TNK2: variants seen among roughly 807,000 people sequenced by gnomAD.
TNK2 encodes the protein tyrosine kinase non receptor 2, also known as activated CDC42 kinase 1.
Under a neutral mutation model 101.8 loss-of-function variants are expected in TNK2, and 83 were observed. The observed-to-expected ratio is 0.82, with a 90% CI of 0.68 to 0.98. The LOEUF is 0.98. Among genes scored for constraint, TNK2 ranks in the 50% least tolerant of loss-of-function variants. The pLI, the probability that TNK2 is intolerant of heterozygous loss-of-function variation, is 0.00. For synonymous variants in TNK2, 804 were observed against 633.0 expected, an observed-to-expected ratio of 1.27 and a Z score of -4.06; for missense variants, 1,665 against 1,483.2, an observed-to-expected ratio of 1.12 and a Z score of -2.01.
At position 195,867,880 on chromosome 3, in the gene TNK2, T is replaced by G; in HGVS notation, c.2418A>C (p.Thr806=). ...REPLSPQGSR[T]PSPLVPPGSS... is the part of the protein sequence containing the mutation. ...TGCCAGGTGGTACCAGGGGGCTGGG[T>G]GTCCTCGAGCCTTGAGGGGACAGGG... The change falls in exon 13 of 16, where the codon ACA becomes ACC. Residue 806 remains threonine, a synonymous_variant. Transcript: ENST00000672887. The G allele has an allele frequency of 6.5e-7, 1 of 1,527,650 alleles. No homozygotes were observed. Among genetic ancestry groups the G allele is most frequent in the Non-Finnish European group, 8.7e-7 (1 of 1,144,556 alleles). 94.6% of individuals were successfully genotyped at this position (1,527,650 alleles called of 1,614,324 possible).
At chr3:195,884,309 A>G (rs1236370278) in intron 4 of TNK2, 1 of 152,232 alleles carries the variant, frequency 6.6e-6, no homozygotes, top group Non-Finnish European at 1.5e-5. Context: ...CTTTTATAAT[A>G]AATTATTTTT....
rs1560520964 is a variant in TNK2 at position 195,884,800 on chromosome 3, CAG to C, written c.456+10_456+11del. Reference sequence around the variant, plus strand: ...ATGCCTCTGCTGCGCTGGCAGGACACAGAGAGCTCACCGTCTTCCCTGAGGGC... The same window carrying C: ...ATGCCTCTGCTGCGCTGGCAGGACACAGAGCTCACCGTCTTCCCTGAGGGC... On this transcript the variant is annotated intron_variant, in intron 4 of 15. Coordinates refer to ENST00000672887, the MANE Select transcript of TNK2 (RefSeq NM_001382273.1). The C allele has an allele frequency of 1.2e-6, 2 of 1,601,902 alleles. No individual in the cohort carries two copies. Among genetic ancestry groups the C allele is most frequent in the African/African-American group, 1.3e-5 (1 of 74,450 alleles).
In TNK2 at chr3:195,866,909, G is replaced by A; in HGVS notation, c.3141C>T (p.Ser1047=). 6.2e-7 allele frequency: 1 copy of A among 1,611,580 alleles called. No homozygotes were observed. The highest frequency in any genetic ancestry group is 8.5e-7 in the Non-Finnish European group (1 of 1,179,326). The change falls in exon 15 of 16, where the codon TCC becomes TCT. Residue 1047 remains serine (S), a synonymous_variant. Transcript: ENST00000672887. ...LEQAGCHLLG[S]WGPAHHKR ...CTCACTTGTGGTGGGCAGGGCCCCA[G>A]GAGCCCAGAAGGTGGCAGCCGGCCT...
In TNK2 at chr3:195,863,714, C is replaced by G. The variant is rs1738797932; in HGVS notation, c.*467G>C. On this transcript the variant is annotated 3_prime_UTR_variant, in exon 16 of 16. Transcript: ENST00000672887. ...ACACCCCAGCTGCTGCCAGGGGCCCCCTGGAAGAAGGCCCAGTCCTAGGAG... is the reference window on the plus strand; with the variant it reads ...ACACCCCAGCTGCTGCCAGGGGCCCGCTGGAAGAAGGCCCAGTCCTAGGAG... The G allele has an allele frequency of 6.1e-6, 1 of 162,746 alleles. No homozygotes were observed. The highest frequency in any genetic ancestry group is 2.4e-5 in the African/African-American group (1 of 41,884). The allele number at this position is 162,746 out of a possible 1,614,324, so 10.1% of individuals were successfully genotyped here.
chr3:195,875,790 A>G (rs1748825569), intron 9 of TNK2, among the ~76,000 whole-genome samples: 1 of 152,172 alleles, frequency 6.6e-6, no homozygotes, highest in Non-Finnish European at 1.5e-5. Flanking sequence ...ACACCTCCGC[A>G]TGAACCTTCT....
intron 1 of TNK2, among the ~76,000 whole-genome samples, chr3:195,907,838 C>T (rs978262624): frequency 2.0e-5 from 3 of 152,218 alleles, no homozygotes; most frequent in African/African-American, 4.8e-5. Context: ...CCTCCTCTCC[C>T]GCCCCTCTAA....
Position 195,872,351 on chromosome 3 carries a change from T to TGCAGGG in TNK2, c.1370_1375dup (p.Pro457_Leu458dup). 1 of 1,613,416 alleles carries TGCAGGG rather than the reference T, an allele frequency of 6.2e-7. No individual in the cohort carries two copies. Among genetic ancestry groups the TGCAGGG allele is most frequent in the South Asian group, 1.1e-5 (1 of 91,090 alleles). ...ATGCCCTGTGTGGATGAAGCTGTTC[T>TGCAGGG]GCAGGGGCTGGCTGATGTCCTGGGC... On this transcript the variant is annotated inframe_insertion, in exon 10 of 16. Transcript: ENST00000672887.
chr3:195,873,838 C>G (rs548013503), intron 9 of TNK2, among the ~76,000 whole-genome samples: 6 of 152,028 alleles, frequency 3.9e-5, no homozygotes, highest in African/African-American at 1.2e-4. Flanking sequence ...GGGCGCGGGG[C>G]GCGGGGAGAC....
chr3:195,885,191 C>T lies in TNK2; in HGVS notation c.235-158G>A, dbSNP rs1755063346. The T allele has an allele frequency of 2.0e-6, 2 of 1,001,224 alleles. No individual in the cohort carries two copies. Among genetic ancestry groups the T allele is most frequent in the Admixed American group, 2.9e-5 (1 of 34,390 alleles). 62.0% of individuals were successfully genotyped at this position (1,001,224 alleles called of 1,614,324 possible). The stretch of plus-strand genomic sequence containing the variant: ...GTGGGGCAGCCTGGCTGGAGGCCCA[C>T]ACTCCGTCCAGGGCACACCCCCAAA... On this transcript the variant is annotated intron_variant, in intron 3 of 15. Transcript: ENST00000672887. The surrounding 1 kb of genome is among the most constrained non-coding windows in gnomAD (Gnocchi z 4.7).
chr3:195,906,768 T>C (rs975213946), intron 1 of TNK2, among the ~76,000 whole-genome samples: 1 of 152,212 alleles, frequency 6.6e-6, no homozygotes, highest in Non-Finnish European at 1.5e-5. Flanking sequence ...TCAATAAAAC[T>C]GTTATTTAAA....
intron 1 of TNK2, among the ~76,000 whole-genome samples, chr3:195,906,832 T>TCC (rs1761773552): frequency 6.6e-6 from 1 of 152,174 alleles, no homozygotes; most frequent in African/African-American, 2.4e-5. Flanking sequence ...TGGGGGCTAA[T>TCC]CCCGGGCTCA....
chr3:195,872,148 G>A, intron 10 of TNK2, 128 bp downstream of exon 10: 1 of 1,050,610 alleles, frequency 9.5e-7, no homozygotes, highest in Non-Finnish European at 1.4e-6. Context: ...GAGGAGGGGA[G>A]AGTGGCGGGT....
rs1742449867 is a variant in TNK2, at chr3:195,868,440, G to A, written c.1858C>T (p.Pro620Ser). ...DACSLLDETP[P>S]QSPTRALPRP... ...GGCAGTGCCCGCGTGGGGCTCTGAGGCGGGGTCTCGTCCAGCAGGGAGCAG... is the reference window on the plus strand; with the variant it reads ...GGCAGTGCCCGCGTGGGGCTCTGAGACGGGGTCTCGTCCAGCAGGGAGCAG... Residue 620 changes from proline (P) to serine (S), a missense_variant, in exon 13 of 16, where the codon CCT becomes TCT. Physicochemically the swap from Pro to Ser is moderately conservative, Grantham distance 74 (BLOSUM62 -1). Transcript: ENST00000672887. The A allele has an allele frequency of 6.4e-7, 1 of 1,566,116 alleles. No individual in the cohort carries two copies. Among genetic ancestry groups the A allele is most frequent in the Non-Finnish European group, 8.6e-7 (1 of 1,164,966 alleles).
In TNK2 at chr3:195,872,461, G is replaced by C. The variant is rs145954545; in HGVS notation, c.1266C>G (p.Asn422Lys). 6.1e-5 allele frequency: 98 copies of C among 1,594,652 alleles called. No homozygotes were observed. Among genetic ancestry groups the C allele is most frequent in the Non-Finnish European group, 8.1e-5 (95 of 1,168,888 alleles). Residue 422 changes from asparagine to lysine, a missense_variant, in exon 10 of 16, where the codon AAC (asparagine) becomes AAG (lysine). By Grantham distance (94) the Asn-to-Lys change is moderately conservative. Coordinates refer to ENST00000672887, the MANE Select transcript of TNK2 (RefSeq NM_001382273.1). ...VITVIEGRAE[N>K]YWWRGQNTRT... ...GTGTGTTCTGGCCACGCCACCAGTA[G>C]TTCTCGGCCCTGCGCGACAGAGATG...
At chr3:195,881,393 G>A (rs546660971) in intron 6 of TNK2, among the ~76,000 whole-genome samples, 51 of 8,428 alleles carry the variant, frequency 6.1e-3, no homozygotes, top group Admixed American at 7.2e-3. Flanking sequence ...CCCCCCAGCA[G>A]TGCCCCTTGG....
At chr3:195,897,229 T>G (rs1760687399) in intron 1 of TNK2, among the ~76,000 whole-genome samples, 1 of 152,170 alleles carries the variant, frequency 6.6e-6, no homozygotes, top group Non-Finnish European at 1.5e-5. Context: ...CAGAACCTCA[T>G]CCCAGAGGAA....
chr3:195,873,593 C>A (rs1487480327), intron 9 of TNK2, among the ~76,000 whole-genome samples: 1 of 152,168 alleles, frequency 6.6e-6, no homozygotes, highest in Non-Finnish European at 1.5e-5. Context: ...CACCACACTG[C>A]ACGCCCTCCC....
At chr3:195,867,067 G>A in intron 14 of TNK2, 51 bp from the exon 15 acceptor site, 1 of 1,609,918 alleles carries the variant, frequency 6.2e-7, no homozygotes, top group Non-Finnish European at 8.5e-7. Flanking sequence ...CACCGACTAG[G>A]GTGGGGAAGA....
In TNK2 at chr3:195,888,360, G is replaced by A. The variant is rs140384949; in HGVS notation, c.163+66C>T. 7.1e-5 allele frequency: 110 copies of A among 1,546,074 alleles called. No individual in the cohort carries two copies. The East Asian group carries it at 2.0e-3, about 28-fold the overall frequency. Reference sequence around the variant, plus strand: ...TTCTCAGCTGCCACCCGTGCACCGAGTGGTCCTGAGGACAGAGGACGGAAA... The same window carrying A: ...TTCTCAGCTGCCACCCGTGCACCGAATGGTCCTGAGGACAGAGGACGGAAA... On this transcript the variant is annotated intron_variant, in intron 2 of 15. Transcript: ENST00000672887. This position sits in a 1 kb window ranked among gnomAD's most constrained non-coding sequence, Gnocchi z 5.3.
Sources: allele counts gnomAD v4.1 joint callset (sites outside exome capture counted in the v4.1 genomes callset), GRCh38; gene constraint gnomAD v4.1.1; non-coding constraint Gnocchi (gnomAD v3.1); transcripts MANE v1.5; gene names NCBI Gene and HGNC (gene_info 2026-07-23, HGNC 2026-07-21).